TXNRD3: variants seen among roughly 807,000 people sequenced by gnomAD.
The protein encoded by TXNRD3 is thioredoxin reductase 3, also known as TXNRD3 neighbor gene protein.
TXNRD3 carries 68 observed loss-of-function variants against 78.2 expected under a neutral mutation model. The ratio of observed to expected loss-of-function variants is 0.87; its 90% CI spans 0.72 to 1.06. TXNRD3 has a LOEUF of 1.06. Ranked by LOEUF, TXNRD3 falls within the 50% of genes least tolerant of loss-of-function variation. TXNRD3 has a pLI of 0.00. For missense variants in TXNRD3, 751 were observed against 809.5 expected (o/e 0.93, Z 0.88); for synonymous variants, 296 against 300.1 (o/e 0.99, Z 0.14).
rs139691338 is a variant in TXNRD3 at position 126,640,560 on chromosome 3, T to C, written c.712+1472A>G. Among the ~76,000 whole-genome samples, 34 of 152,298 alleles carry C rather than the reference T, an allele frequency of 2.2e-4. No homozygotes were observed. The East Asian group carries it at 3.5e-3, about 16-fold the overall frequency. ...CGGTCAGAACCAGGATCATCTATGA[T>C]GCTTTAAATGTGCACGTACACTGCC... On this transcript the variant is annotated intron_variant, in intron 6 of 15. Transcript: ENST00000524230.
intron 10 of TXNRD3, chr3:126,625,944 A>G (rs986780616): frequency 3.9e-5 from 6 of 152,888 alleles, no homozygotes; most frequent in Admixed American, 1.3e-4. Flanking sequence ...ACAAAGCTGC[A>G]GAATGGAAAA....
At chr3:126,610,938 ATC>A (rs1938185823) in intron 14 of TXNRD3, 97 bp downstream of exon 14, 1 of 691,290 alleles carries the variant, frequency 1.4e-6, no homozygotes, top group Non-Finnish European at 2.2e-6. Flanking sequence ...ACATGGCAAG[ATC>A]CCGTCTCTAA....
intron 6 of TXNRD3, among the ~76,000 whole-genome samples, chr3:126,641,310 C>T (rs1933081508): frequency 1.3e-5 from 2 of 152,120 alleles, no homozygotes; most frequent in South Asian, 4.2e-4. Context: ...CTCCCTTCAT[C>T]TACTCTTCAC....
intron 6 of TXNRD3, among the ~76,000 whole-genome samples, chr3:126,635,046 C>T (rs1005877096): frequency 4.6e-5 from 7 of 152,292 alleles, no homozygotes; most frequent in African/African-American, 1.4e-4. Context: ...TACATTACCT[C>T]ATCCTCCCAC....
At chr3:126,615,790 T>C (rs964285578) in intron 12 of TXNRD3, among the ~76,000 whole-genome samples, 9 of 152,214 alleles carry the variant, frequency 5.9e-5, no homozygotes, top group Non-Finnish European at 1.5e-5. Flanking sequence ...AATGTTTTCT[T>C]TCCATGCCCA....
intron 6 of TXNRD3, among the ~76,000 whole-genome samples, chr3:126,636,629 G>A (rs1243407216): frequency 6.6e-6 from 1 of 152,178 alleles, no homozygotes; most frequent in African/African-American, 2.4e-5. Context: ...CCCACGGCGA[G>A]CCCTACCCAC....
Position 126,647,121 on chromosome 3 carries a change from A to G in TXNRD3, c.304+115T>C, listed in dbSNP as rs1008310708. ...TCTGCATGGCTGAATGTAGACAAAAATGCCTCATTTAACCCGAAGACAAGA... is the reference window on the plus strand; with the variant it reads ...TCTGCATGGCTGAATGTAGACAAAAGTGCCTCATTTAACCCGAAGACAAGA... On this transcript the variant is annotated intron_variant, in intron 2 of 15. Coordinates refer to ENST00000524230, the MANE Select transcript of TXNRD3 (RefSeq NM_052883.3). 11 of 718,326 alleles carry G rather than the reference A, an allele frequency of 1.5e-5. No individual in the cohort carries two copies. The African/African-American group carries it at 1.8e-4, about 12-fold the overall frequency. 44.5% of individuals were successfully genotyped at this position (718,326 alleles called of 1,614,324 possible). A position where few individuals can be genotyped will look rare whatever the true frequency, so the allele number is the denominator to read the frequency against.
chr3:126,632,518 G>A (rs1938744056), intron 7 of TXNRD3, among the ~76,000 whole-genome samples: 1 of 151,764 alleles, frequency 6.6e-6, no homozygotes, highest in Non-Finnish European at 1.5e-5. Flanking sequence ...AAATTAGCTG[G>A]GCATGGTGGT....
intron 10 of TXNRD3, among the ~76,000 whole-genome samples, chr3:126,624,459 C>T (rs191326702): frequency 4.4e-4 from 66 of 151,294 alleles, no homozygotes; most frequent in African/African-American, 1.6e-3. Flanking sequence ...CTTGCTCTGG[C>T]ACCCAGGCTG....
intron 10 of TXNRD3, among the ~76,000 whole-genome samples, chr3:126,622,946 C>CA (rs1188321298): frequency 6.6e-6 from 1 of 152,072 alleles, no homozygotes; most frequent in East Asian, 1.9e-4. Context: ...CATGTGAGGA[C>CA]ACAAGGAGAA....
intron 10 of TXNRD3, among the ~76,000 whole-genome samples, chr3:126,627,545 T>C (rs1374183324): frequency 1.3e-5 from 2 of 152,188 alleles, no homozygotes; most frequent in Non-Finnish European, 2.9e-5. Flanking sequence ...TACATGTATA[T>C]TATACCTCAT....
chr3:126,629,238 A>G, intron 10 of TXNRD3, 141 bp downstream of exon 10: 1 of 644,944 alleles, frequency 1.6e-6, no homozygotes. Flanking sequence ...TCAGTAGCCA[A>G]ATTATCTTCT....
At chr3:126,653,000 A>T (rs1367311645) in intron 1 of TXNRD3, among the ~76,000 whole-genome samples, 2 of 152,120 alleles carry the variant, frequency 1.3e-5, no homozygotes, top group Admixed American at 1.3e-4. Flanking sequence ...TTTTTATTTC[A>T]CCCACCACCA....
intron 12 of TXNRD3, among the ~76,000 whole-genome samples, chr3:126,621,468 A>T (rs1938455135): frequency 6.6e-6 from 1 of 152,220 alleles, no homozygotes; most frequent in South Asian, 2.1e-4. Flanking sequence ...CCTTCTGCTC[A>T]GCCTGTGCCT....
intron 5 of TXNRD3, among the ~76,000 whole-genome samples, chr3:126,642,832 T>C (rs79267893): frequency 0.066 from 10,008 of 152,314 alleles, 415 homozygotes; most frequent in East Asian, 0.2. Flanking sequence ...AGTTTGAATT[T>C]TAAAAATTGA....
At chr3:126,615,027 C>G (rs115146529) in intron 13 of TXNRD3, among the ~76,000 whole-genome samples, 1,801 of 152,304 alleles carry the variant, frequency 0.012, 19 homozygotes, top group Middle Eastern at 0.048. Flanking sequence ...CACCTTACCA[C>G]CCGTAGCCAT....
intron 9 of TXNRD3, 73 bp from the exon 10 acceptor site, chr3:126,629,544 G>T (rs565115509): frequency 8.6e-6 from 10 of 1,161,388 alleles, no homozygotes; most frequent in Non-Finnish European, 1.2e-5. Flanking sequence ...GGTCTACACC[G>T]GTATGTTCGT....
At position 126,642,081 on chromosome 3, in the gene TXNRD3, C is replaced by T; in HGVS notation, c.663G>A (p.Gly221=). The T allele has an allele frequency of 6.5e-7, 1 of 1,536,106 alleles. No homozygotes were observed. The highest frequency in any genetic ancestry group is 8.7e-7 in the Non-Finnish European group (1 of 1,146,866). ...ATTTCCTTGAGTCACATAATGCCTG[C>T]CCCAAAAGGGCAGCCTGATGCATCA... is the stretch of plus-strand genomic sequence containing the variant. The change falls in exon 6 of 16, where the codon GGG becomes GGA. Residue 221 remains glycine (G), a synonymous_variant. Transcript: ENST00000524230.
At chr3:126,613,322 C>T (rs1349339816) in intron 13 of TXNRD3, among the ~76,000 whole-genome samples, 1 of 152,132 alleles carries the variant, frequency 6.6e-6, no homozygotes, top group East Asian at 1.9e-4. Context: ...CTTCCCTGTC[C>T]CCTAGCACTC....
Sources: gnomAD v4.1 joint callset for allele counts (sites outside exome capture counted in the v4.1 genomes callset) on GRCh38, gnomAD v4.1.1 for gene constraint, MANE v1.5 for transcripts, NCBI Gene and HGNC (gene_info 2026-07-23, HGNC 2026-07-21) for gene names.